HS3ST4: variants seen among roughly 807,000 people sequenced by gnomAD.
The protein encoded by HS3ST4 is heparan sulfate glucosamine 3-O-sulfotransferase 4.
A neutral mutation model predicts 29.2 loss-of-function variants in HS3ST4; 17 were observed. That is an observed-to-expected ratio of 0.58 (90% CI 0.40 to 0.87). The LOEUF is 0.87. HS3ST4 is among the 40% of genes least tolerant of loss of function. The pLI is 0.00. For synonymous variants in HS3ST4, 314 were observed against 285.7 expected (o/e 1.10, Z -1.00); for missense variants, 627 against 634.5 (o/e 0.99, Z 0.13).
At chr16:26,040,821 T>C (rs922480499) in intron 1 of HS3ST4, among the ~76,000 whole-genome samples, 18 of 152,260 alleles carry the variant, frequency 1.2e-4, no homozygotes, top group South Asian at 6.2e-4. Flanking sequence ...ACTTCCTGTA[T>C]GCTAAGCACT....
chr16:26,027,842 G>A lies in HS3ST4; in HGVS notation c.735-107770G>A, dbSNP rs564460157. ...CACATCTAGTGATACAAGGGGGTGG[G>A]CCTAAACTCAGTAATGGCTGACTCC... On this transcript the variant is annotated intron_variant, in intron 1 of 1. Coordinates refer to ENST00000331351, the MANE Select transcript of HS3ST4 (RefSeq NM_006040.3). Among the ~76,000 whole-genome samples, 5 of 152,294 alleles carry A rather than the reference G, an allele frequency of 3.3e-5. No individual in the cohort carries two copies. In the South Asian group the frequency reaches 1.0e-3, roughly 32 times the overall value.
At chr16:26,112,658 A>T (rs1899147876) in intron 1 of HS3ST4, among the ~76,000 whole-genome samples, 1 of 152,144 alleles carries the variant, frequency 6.6e-6, no homozygotes, top group African/African-American at 2.4e-5. Context: ...ACTACTCAGA[A>T]TATGCAAAGA....
intron 1 of HS3ST4, among the ~76,000 whole-genome samples, chr16:25,698,374 T>C (rs1365338902): frequency 6.6e-6 from 1 of 152,144 alleles, no homozygotes; most frequent in Non-Finnish European, 1.5e-5. Flanking sequence ...GTCAAAGCCC[T>C]GGGGTGGAAA....
chr16:25,794,756 AC>A (rs906446669), intron 1 of HS3ST4, among the ~76,000 whole-genome samples: 18 of 151,902 alleles, frequency 1.2e-4, no homozygotes, highest in African/African-American at 3.9e-4. Flanking sequence ...GAGTTGTTTC[AC>A]TTCCTGAATC....
chr16:25,964,012 AAAACGT>A (rs994843220), intron 1 of HS3ST4, among the ~76,000 whole-genome samples: 1 of 152,052 alleles, frequency 6.6e-6, no homozygotes, highest in Non-Finnish European at 1.5e-5. Flanking sequence ...CTCTACTTTA[AAAACGT>A]ACAAAAATTA....
At chr16:25,786,563 T>C (rs1282619769) in intron 1 of HS3ST4, among the ~76,000 whole-genome samples, 2 of 152,210 alleles carry the variant, frequency 1.3e-5, no homozygotes, top group Non-Finnish European at 2.9e-5. Flanking sequence ...GATAACTCTT[T>C]ACCCTTTCAC....
intron 1 of HS3ST4, among the ~76,000 whole-genome samples, chr16:25,886,242 G>A (rs368908524): frequency 5.3e-5 from 8 of 151,798 alleles, no homozygotes; most frequent in Admixed American, 1.3e-4. Flanking sequence ...CATGTTGGCC[G>A]GGCTGGTCTT....
At chr16:25,730,537 C>T (rs933034873) in intron 1 of HS3ST4, among the ~76,000 whole-genome samples, 1 of 144,214 alleles carries the variant, frequency 6.9e-6, no homozygotes, top group African/African-American at 2.6e-5. Flanking sequence ...TTCTCTCCCT[C>T]TCTTCCTTAT....
chr16:25,773,824 G>A (rs377017758), intron 1 of HS3ST4, among the ~76,000 whole-genome samples: 47 of 152,122 alleles, frequency 3.1e-4, no homozygotes, highest in African/African-American at 8.0e-4. Flanking sequence ...TGAGTCTCCC[G>A]TGTCGATTAT....
chr16:25,815,297 C>T (rs1967082221), intron 1 of HS3ST4, among the ~76,000 whole-genome samples: 1 of 152,094 alleles, frequency 6.6e-6, no homozygotes, highest in Non-Finnish European at 1.5e-5. Flanking sequence ...TTGTGGGGCC[C>T]TCTATATACA....
intron 1 of HS3ST4, among the ~76,000 whole-genome samples, chr16:26,014,694 A>G (rs1351738124): frequency 6.6e-6 from 1 of 152,228 alleles, no homozygotes; most frequent in Non-Finnish European, 1.5e-5. Flanking sequence ...TTATGGCTGC[A>G]TAGTATTCCA....
chr16:25,778,277 A>G (rs72778969), intron 1 of HS3ST4, among the ~76,000 whole-genome samples: 42,179 of 152,158 alleles, frequency 0.28, 6,650 homozygotes, highest in Non-Finnish European at 0.37. Context: ...TGGGACAGCC[A>G]TGGTTGAGGG....
At chr16:25,693,655 G>A (rs1418812476) in intron 1 of HS3ST4, among the ~76,000 whole-genome samples, 1 of 152,156 alleles carries the variant, frequency 6.6e-6, no homozygotes, top group Admixed American at 6.5e-5. Flanking sequence ...AATGAATAGG[G>A]AACAGTTACA....
intron 1 of HS3ST4, among the ~76,000 whole-genome samples, chr16:26,058,643 T>G (rs1898439929): frequency 6.6e-6 from 1 of 152,216 alleles, no homozygotes; most frequent in South Asian, 2.1e-4. Context: ...CTGCACCCTC[T>G]CACTCTCCAG....
chr16:25,963,399 T>C (rs1968813285), intron 1 of HS3ST4, among the ~76,000 whole-genome samples: 1 of 152,234 alleles, frequency 6.6e-6, no homozygotes, highest in African/African-American at 2.4e-5. Flanking sequence ...ACTATCCAAA[T>C]ACTGCTCCCA....
At chr16:26,131,774 A>G (rs1180424890) in intron 1 of HS3ST4, among the ~76,000 whole-genome samples, 1 of 152,208 alleles carries the variant, frequency 6.6e-6, no homozygotes, top group Non-Finnish European at 1.5e-5. Context: ...AGATTAAGGC[A>G]TCAAAACCTT....
intron 1 of HS3ST4, among the ~76,000 whole-genome samples, chr16:25,919,539 A>G (rs775027042): frequency 5.9e-5 from 9 of 152,156 alleles, no homozygotes; most frequent in Non-Finnish European, 1.2e-4. Flanking sequence ...AATAGCTGGT[A>G]TTGTAAGCGG....
chr16:25,920,945 G>A (rs1478789288), intron 1 of HS3ST4, among the ~76,000 whole-genome samples: 2 of 152,012 alleles, frequency 1.3e-5, no homozygotes, highest in Non-Finnish European at 1.5e-5. Context: ...TTATGTCTTT[G>A]TTTATGTAGT....
intron 1 of HS3ST4, among the ~76,000 whole-genome samples, chr16:25,739,549 A>G (rs143436082): frequency 9.8e-5 from 15 of 152,288 alleles, no homozygotes; most frequent in Non-Finnish European, 2.2e-4. Flanking sequence ...AGACTCACCA[A>G]TGGTTAGCTG....
Sources: gnomAD v4.1 joint callset for allele counts (sites outside exome capture counted in the v4.1 genomes callset) on GRCh38, gnomAD v4.1.1 for gene constraint, MANE v1.5 for transcripts, NCBI Gene and HGNC (gene_info 2026-07-23, HGNC 2026-07-21) for gene names.